The following WDR64 variants were observed in gnomAD, a reference collection of about 807,000 sequenced individuals.
WDR64 encodes WD repeat-containing protein 64.
WDR64 carries 112 observed loss-of-function variants against 139.3 expected under a neutral mutation model. The observed-to-expected ratio is 0.80, with a 90% CI of 0.69 to 0.94. The LOEUF (loss-of-function observed/expected upper bound fraction) is 0.94, where lower values mean the gene tolerates loss of function less well. Among genes scored for constraint, WDR64 ranks in the 40% least tolerant of loss-of-function variants. The pLI is 0.00. For missense variants in WDR64, 1,206 were observed against 1,293.1 expected (o/e 0.93, Z 1.03); for synonymous variants, 444 against 437.7 (o/e 1.01, Z -0.18).
chr1:241,696,143 C>CAAAAAAAAAAAAAAAAAA (rs1553366775), intron 8 of WDR64, among the ~76,000 whole-genome samples: 1 of 52,908 alleles, frequency 1.9e-5, no homozygotes, highest in African/African-American at 9.9e-5. Context: ...AAAAAAAAAG[C>CAAAAAAAAAAAAAAAAAA]ATTAGTCTGA....
chr1:241,788,009 T>C lies in WDR64; in HGVS notation c.2866T>C (p.Tyr956His), dbSNP rs151121117. 35 of 1,596,728 alleles carry C rather than the reference T, an allele frequency of 2.2e-5. No individual in the cohort carries two copies. The African/African-American group carries it at 3.5e-4, about 16-fold the overall frequency. Residue 956 changes from tyrosine (Y) to histidine (H), a missense_variant, in exon 24 of 28, where the codon TAT becomes CAT. By Grantham distance (83) the Tyr-to-His change is moderately conservative. Coordinates refer to ENST00000437684, the MANE Select transcript of WDR64 (RefSeq NM_001367482.1). ...GTTCACAGAGAAGCAAAAATATGAA[T>C]ATCCTCTGATATTTGACCGGGAAAA... ...SKFTEKQKYE[Y>H]PLIFDREKWR...
In WDR64 at chr1:241,782,507, C is replaced by T. The variant is rs1051113176; in HGVS notation, c.2596-765C>T. ...CCCAGGACAAAGTAAGGTGTCAGTC[C>T]GGGTTTATCAGTGATAAAGAGGGAA... is the stretch of plus-strand genomic sequence containing the variant. On this transcript the variant is annotated intron_variant, in intron 22 of 27. Transcript: ENST00000437684. Among the ~76,000 whole-genome samples the T allele has an allele frequency of 3.9e-5, 6 of 152,042 alleles. No individual in the cohort carries two copies. In the East Asian group the frequency reaches 5.8e-4, roughly 15 times the overall value.
intron 12 of WDR64, 116 bp downstream of exon 12, chr1:241,741,780 T>C (rs1669555080): frequency 9.3e-7 from 1 of 1,072,232 alleles, no homozygotes; most frequent in Non-Finnish European, 1.3e-6. Flanking sequence ...GATGAGACCA[T>C]ACATTAGAAT....
intron 8 of WDR64, among the ~76,000 whole-genome samples, chr1:241,707,707 A>T (rs1218781259): frequency 6.6e-6 from 1 of 152,178 alleles, no homozygotes; most frequent in Non-Finnish European, 1.5e-5. Context: ...CAGCTCTGGG[A>T]CGCCATCCAC....
At chr1:241,780,349 A>C (rs1658801429) in intron 22 of WDR64, among the ~76,000 whole-genome samples, 2 of 152,162 alleles carry the variant, frequency 1.3e-5, no homozygotes, top group Non-Finnish European at 1.5e-5. Context: ...AGTTAGAAAA[A>C]GTTCATAGAT....
At chr1:241,699,774 T>C (rs1353556805) in intron 8 of WDR64, among the ~76,000 whole-genome samples, 1 of 152,230 alleles carries the variant, frequency 6.6e-6, no homozygotes, top group Non-Finnish European at 1.5e-5. Context: ...TGCAAATGGT[T>C]CAATATAATT....
intron 6 of WDR64, among the ~76,000 whole-genome samples, chr1:241,680,444 T>A (rs2148101851): frequency 6.6e-6 from 1 of 152,344 alleles, no homozygotes; most frequent in East Asian, 1.9e-4. Flanking sequence ...GTTTTATTAA[T>A]TTCCAAACCC....
rs145278064 is a variant in WDR64 at position 241,735,819 on chromosome 1, TTCTATC to T, written c.1195-2540_1195-2535del. 3.7e-3 allele frequency among the ~76,000 whole-genome samples: 475 copies of T among 129,232 alleles called. 2 individuals carry two copies. Among genetic ancestry groups the T allele is most frequent in the Middle Eastern group, 0.018 (4 of 218 alleles). The allele number at this position is 129,232 out of a possible 152,430, so 84.8% of individuals were successfully genotyped here. On this transcript the variant is annotated intron_variant, in intron 10 of 27. Coordinates refer to ENST00000437684, the MANE Select transcript of WDR64 (RefSeq NM_001367482.1). Reference sequence around the variant, plus strand: ...CACTGCTCCCAGCCTGTCCTTCTCTTTCTATCTCTCTCTCTCTCTCTCTCTCTCTCT... The same window carrying T: ...CACTGCTCCCAGCCTGTCCTTCTCTTTCTCTCTCTCTCTCTCTCTCTCTCT...
chr1:241,673,194 G>A (rs535852333), intron 3 of WDR64, among the ~76,000 whole-genome samples: 4 of 139,494 alleles, frequency 2.9e-5, no homozygotes, highest in Admixed American at 2.9e-4. Context: ...TTGTGGGGTG[G>A]GGGGAGGGAT....
rs749271869 is a variant in WDR64 at position 241,757,460 on chromosome 1, G to T, written c.1947+1G>T. 1 of 1,601,672 alleles carries T rather than the reference G, an allele frequency of 6.2e-7. No individual in the cohort carries two copies. On this transcript the variant is annotated splice_donor_variant, in intron 15 of 27. Coordinates refer to ENST00000437684, the MANE Select transcript of WDR64 (RefSeq NM_001367482.1). LOFTEE classifies it high-confidence loss of function. Reference sequence around the variant, plus strand: ...GAGGAACTTTTCTCAACCTACTGATGTAAGTTTCCTCTCTTGGTTTCTTTT... The same window carrying T: ...GAGGAACTTTTCTCAACCTACTGATTTAAGTTTCCTCTCTTGGTTTCTTTT...
chr1:241,724,702 T>A (rs1418807566), intron 10 of WDR64, among the ~76,000 whole-genome samples: 1 of 152,232 alleles, frequency 6.6e-6, no homozygotes, highest in Non-Finnish European at 1.5e-5. Context: ...TTATAACTTT[T>A]GGGTAATTCC....
At chr1:241,738,191 A>G (rs1157411244) in intron 10 of WDR64, among the ~76,000 whole-genome samples, 172 bp from the exon 11 acceptor site, 2 of 152,252 alleles carry the variant, frequency 1.3e-5, no homozygotes, top group Non-Finnish European at 2.9e-5. Context: ...TTAATGAACA[A>G]TAATCCAACC....
chr1:241,707,438 C>G (rs1667994015), intron 8 of WDR64, among the ~76,000 whole-genome samples: 1 of 152,110 alleles, frequency 6.6e-6, no homozygotes. Flanking sequence ...ATTTTTTTAG[C>G]AATCTTAGAC....
At chr1:241,759,155 C>T (rs6670605) in intron 15 of WDR64, among the ~76,000 whole-genome samples, 1 of 151,918 alleles carries the variant, frequency 6.6e-6, no homozygotes, top group African/African-American at 2.4e-5. Context: ...ACATTATATT[C>T]TAGTTTCAGA....
chr1:241,674,862 C>A, intron 4 of WDR64, 115 bp downstream of exon 4: 2 of 142,980 alleles, frequency 1.4e-5, no homozygotes, highest in Non-Finnish European at 1.4e-5. Context: ...TTCCTTCCTC[C>A]CTCCCTCCTT....
intron 25 of WDR64, among the ~76,000 whole-genome samples, chr1:241,792,865 C>T (rs1317131509): frequency 1.3e-5 from 2 of 152,136 alleles, no homozygotes; most frequent in African/African-American, 2.4e-5. Context: ...TGAAAATAGG[C>T]CTATCCTATT....
At chr1:241,705,896 A>G (rs2148159972) in intron 8 of WDR64, among the ~76,000 whole-genome samples, 1 of 152,230 alleles carries the variant, frequency 6.6e-6, no homozygotes, top group East Asian at 1.9e-4. Flanking sequence ...GCCCTCATGG[A>G]GAATTCTGAA....
chr1:241,756,371 C>T (rs61827077), intron 14 of WDR64, among the ~76,000 whole-genome samples: 22,922 of 151,956 alleles, frequency 0.15, 1,927 homozygotes, highest in African/African-American at 0.19. Flanking sequence ...TTGTCTATTG[C>T]TGGTGTATAG....
At chr1:241,776,128 G>A (rs915734006) in intron 21 of WDR64, among the ~76,000 whole-genome samples, 3 of 151,654 alleles carry the variant, frequency 2.0e-5, no homozygotes, top group African/African-American at 7.3e-5. Context: ...GCCCAGGCTG[G>A]AGTGCAGTAG....
Sources: allele counts gnomAD v4.1 joint callset (sites outside exome capture counted in the v4.1 genomes callset), GRCh38; gene constraint gnomAD v4.1.1; transcripts MANE v1.5; gene names NCBI Gene and HGNC (gene_info 2026-07-23, HGNC 2026-07-21).